The following TMPRSS11E variants were observed in gnomAD, a reference collection of about 807,000 sequenced individuals.
TMPRSS11E encodes the protein transmembrane serine protease 11E, also known as transmembrane protease serine 11E.
TMPRSS11E carries 38 observed loss-of-function variants against 48.1 expected under a neutral mutation model. The observed-to-expected ratio is 0.79, with a 90% CI of 0.61 to 1.04. The LOEUF (loss-of-function observed/expected upper bound fraction) is 1.04, where lower values mean the gene tolerates loss of function less well. Among genes scored for constraint, TMPRSS11E ranks in the 50% least tolerant of loss-of-function variants. The pLI is 0.00. For synonymous variants in TMPRSS11E, 158 were observed against 171.9 expected, an observed-to-expected ratio of 0.92 and a Z score of 0.63; for missense variants, 530 against 510.8, an observed-to-expected ratio of 1.04 and a Z score of -0.36.
intron 2 of TMPRSS11E, among the ~76,000 whole-genome samples, chr4:68,465,302 T>G (rs1185919988): frequency 6.6e-6 from 1 of 152,174 alleles, no homozygotes; most frequent in East Asian, 1.9e-4. Context: ...ACCCAAGCCC[T>G]TGTCAGAGTC....
chr4:68,469,533 A>C (rs1024026214), intron 4 of TMPRSS11E, among the ~76,000 whole-genome samples: 1 of 152,030 alleles, frequency 6.6e-6, no homozygotes, highest in Admixed American at 6.6e-5. Context: ...TTCCAATGAC[A>C]AAACTTTAAA....
At chr4:68,476,547 T>C in intron 7 of TMPRSS11E, 109 bp downstream of exon 7, 1 of 1,176,678 alleles carries the variant, frequency 8.5e-7, no homozygotes, top group Non-Finnish European at 1.2e-6. Flanking sequence ...AAATTAAAAA[T>C]AGTGTGTATA....
chr4:68,488,193 T>C (rs1161019039), intron 9 of TMPRSS11E, among the ~76,000 whole-genome samples: 1 of 151,688 alleles, frequency 6.6e-6, no homozygotes, highest in Non-Finnish European at 1.5e-5. Flanking sequence ...TTCTTGAATT[T>C]GTATGTTAAC....
intron 2 of TMPRSS11E, among the ~76,000 whole-genome samples, chr4:68,464,801 T>C (rs928787190): frequency 6.6e-6 from 1 of 152,242 alleles, no homozygotes; most frequent in African/African-American, 2.4e-5. Context: ...AGAATCTTGC[T>C]ATTTAATATG....
At chr4:68,481,933 C>T (rs1190016093) in intron 9 of TMPRSS11E, among the ~76,000 whole-genome samples, 1 of 152,108 alleles carries the variant, frequency 6.6e-6, no homozygotes, top group Non-Finnish European at 1.5e-5. Flanking sequence ...GAGCAAAACC[C>T]TGTCTCCAAA....
chr4:68,463,853 T>C (rs898691367), intron 2 of TMPRSS11E, among the ~76,000 whole-genome samples: 2 of 152,188 alleles, frequency 1.3e-5, no homozygotes, highest in Admixed American at 6.5e-5. Flanking sequence ...TCTTGGGCCA[T>C]ACTTCGGCTT....
At chr4:68,481,615 G>T (rs1729402204) in intron 9 of TMPRSS11E, among the ~76,000 whole-genome samples, 2 of 152,084 alleles carry the variant, frequency 1.3e-5, no homozygotes, top group Admixed American at 1.3e-4. Context: ...TTTGAGAAGT[G>T]TCTGTTCCTG....
At chr4:68,480,717 T>A (rs772992136) in intron 9 of TMPRSS11E, among the ~76,000 whole-genome samples, 54 of 152,176 alleles carry the variant, frequency 3.5e-4, no homozygotes, top group Non-Finnish European at 5.4e-4. Flanking sequence ...ATGCTGAGCA[T>A]CTAATTATTA....
At chr4:68,449,440 C>G (rs1018728903) in intron 1 of TMPRSS11E, among the ~76,000 whole-genome samples, 3 of 151,380 alleles carry the variant, frequency 2.0e-5, no homozygotes, top group African/African-American at 7.3e-5. Flanking sequence ...TTATAGGCAT[C>G]GACATCCACA....
At chr4:68,471,662 T>C (rs747826016) in intron 5 of TMPRSS11E, 39 bp downstream of exon 5, 2 of 1,490,694 alleles carry the variant, frequency 1.3e-6, no homozygotes, top group South Asian at 2.9e-5. Context: ...ATAGAACAGC[T>C]TCATGTTAGG....
chr4:68,478,637 T>C (rs2109701246), intron 8 of TMPRSS11E, among the ~76,000 whole-genome samples: 1 of 151,642 alleles, frequency 6.6e-6, no homozygotes, highest in East Asian at 2.0e-4. Flanking sequence ...GTATTTTTAG[T>C]AGAGACAGGA....
Position 68,491,596 on chromosome 4 carries a change from AT to A in TMPRSS11E, c.1111-5043del, listed in dbSNP as rs545573014. 9.6e-4 allele frequency among the ~76,000 whole-genome samples: 146 copies of A among 152,320 alleles called. 2 individuals are homozygous for A. The Middle Eastern group carries it at 0.017, about 18-fold the overall frequency. On this transcript the variant is annotated intron_variant, in intron 9 of 9. Coordinates refer to ENST00000305363, the MANE Select transcript of TMPRSS11E (RefSeq NM_014058.4). ...TTTTGTGCCTTTGGTGGATACAAAAATTTTGACCTCTATGTCTTCATGTGCA... is the reference window on the plus strand; with the variant it reads ...TTTTGTGCCTTTGGTGGATACAAAAATTTGACCTCTATGTCTTCATGTGCA...
At position 68,476,331 on chromosome 4, in the gene TMPRSS11E, G is replaced by C; in HGVS notation, c.600G>C (p.Glu200Asp). 1 of 1,614,200 alleles carries C rather than the reference G, an allele frequency of 6.2e-7. No homozygotes were observed. The highest frequency in any genetic ancestry group is 8.5e-7 in the Non-Finnish European group (1 of 1,180,012). Residue 200 changes from glutamate (E) to aspartate (D), a missense_variant, in exon 7 of 10, where the codon GAG becomes GAC. Physicochemically the swap from Glu to Asp is conservative, Grantham distance 45. Transcript: ENST00000305363. ...LRIVGGTEVE[E>D]GEWPWQASLQ... ...TCGTTGGTGGGACAGAAGTAGAAGA[G>C]GGTGAATGGCCCTGGCAGGCTAGCC...
intron 9 of TMPRSS11E, among the ~76,000 whole-genome samples, chr4:68,493,118 T>C (rs1048748628): frequency 6.6e-6 from 1 of 152,134 alleles, no homozygotes; most frequent in African/African-American, 2.4e-5. Context: ...TTATAATTTT[T>C]ATTATAAAAA....
In TMPRSS11E at chr4:68,477,613, G is replaced by A; in HGVS notation, c.952G>A (p.Ala318Thr). Residue 318 changes from alanine (A) to threonine (T), a missense_variant, in exon 8 of 10, where the codon GCA becomes ACA. Coordinates refer to ENST00000305363, the MANE Select transcript of TMPRSS11E (RefSeq NM_014058.4). ...TGTGATGTTTGTGACAGGATTTGGA[G>A]CACTGAAAAATGATGGTGAGCATCG... is the stretch of plus-strand genomic sequence containing the variant. ...GDVMFVTGFG[A>T]LKNDGYSQNH... 1 of 1,612,816 alleles carries A rather than the reference G, an allele frequency of 6.2e-7. No homozygotes were observed. Among genetic ancestry groups the A allele is most frequent in the Non-Finnish European group, 8.5e-7 (1 of 1,179,382 alleles).
chr4:68,452,387 A>G (rs1210253885), intron 1 of TMPRSS11E, among the ~76,000 whole-genome samples: 1 of 152,030 alleles, frequency 6.6e-6, no homozygotes, highest in Non-Finnish European at 1.5e-5. Flanking sequence ...AACAATAAAA[A>G]TATTATTTGA....
At chr4:68,477,255 T>C (rs981134257) in intron 7 of TMPRSS11E, 114 bp from the exon 8 acceptor site, 4 of 1,097,730 alleles carry the variant, frequency 3.6e-6, no homozygotes, top group African/African-American at 3.2e-5. Context: ...GTTCTATACA[T>C]CAAAACTATA....
rs570073369 is a variant in TMPRSS11E at position 68,496,728 on chromosome 4, C to T, written c.1196C>T (p.Ala399Val). Residue 399 changes from alanine (A) to valine (V), a missense_variant, in exon 10 of 10, where the codon GCG becomes GTG. Transcript: ENST00000305363. The stretch of plus-strand genomic sequence containing the variant: ...ATAGTGAGCTGGGGAGATGAATGTG[C>T]GAAACCCAACAAGCCTGGTGTTTAT... ...AGIVSWGDEC[A>V]KPNKPGVYTR... is the part of the protein sequence containing the mutation. 48 of 1,613,604 alleles carry T rather than the reference C, an allele frequency of 3.0e-5. 1 individual carries two copies. The South Asian group carries it at 3.7e-4, about 13-fold the overall frequency.
chr4:68,458,883 A>T (rs566517053), intron 1 of TMPRSS11E, among the ~76,000 whole-genome samples: 1 of 152,276 alleles, frequency 6.6e-6, no homozygotes, highest in African/African-American at 2.4e-5. Context: ...GATGATAATT[A>T]TCATCCTCGT....
Sources: gnomAD v4.1 joint callset for allele counts (sites outside exome capture counted in the v4.1 genomes callset) on GRCh38, gnomAD v4.1.1 for gene constraint, MANE v1.5 for transcripts, NCBI Gene and HGNC (gene_info 2026-07-23, HGNC 2026-07-21) for gene names.